The following SLC22A23 variants were observed in gnomAD, a reference collection of about 807,000 sequenced individuals.
SLC22A23 encodes the protein solute carrier family 22 member 23.
Under a neutral mutation model 61.0 loss-of-function variants are expected in SLC22A23, and 26 were observed. That is an observed-to-expected ratio of 0.43 (90% CI 0.31 to 0.59). The LOEUF is 0.59. Ranked by LOEUF, SLC22A23 falls within the 20% of genes least tolerant of loss-of-function variation. The pLI, the probability that SLC22A23 is intolerant of heterozygous loss-of-function variation, is 0.11. For missense variants in SLC22A23, 796 were observed against 934.7 expected (o/e 0.85, Z 1.94); for synonymous variants, 430 against 413.9 (o/e 1.04, Z -0.47).
At chr6:3,321,107 G>A (rs1012602275) in intron 4 of SLC22A23, among the ~76,000 whole-genome samples, 16 of 137,242 alleles carry the variant, frequency 1.2e-4, no homozygotes, top group East Asian at 3.9e-4. Context: ...AAGTGGCAGA[G>A]GTCCAGGCTC....
intron 3 of SLC22A23, among the ~76,000 whole-genome samples, chr6:3,374,289 C>T (rs1460896074): frequency 6.6e-6 from 1 of 152,216 alleles, no homozygotes; most frequent in African/African-American, 2.4e-5. Flanking sequence ...TCTTTGGGTT[C>T]CCTCCCTGGC....
At chr6:3,334,725 C>T (rs767347463) in intron 3 of SLC22A23, among the ~76,000 whole-genome samples, 3 of 152,318 alleles carry the variant, frequency 2.0e-5, no homozygotes, top group Middle Eastern at 3.4e-3. Flanking sequence ...GCACATCGCC[C>T]GGTGCTTGCC....
At chr6:3,349,262 G>A (rs563384688) in intron 3 of SLC22A23, among the ~76,000 whole-genome samples, 12 of 152,316 alleles carry the variant, frequency 7.9e-5, no homozygotes, top group Middle Eastern at 3.4e-3. Flanking sequence ...CTGGGGCTTC[G>A]GACTGGGCAG....
intron 3 of SLC22A23, among the ~76,000 whole-genome samples, chr6:3,405,923 T>C (rs1222883617): frequency 6.6e-6 from 1 of 152,236 alleles, no homozygotes; most frequent in African/African-American, 2.4e-5. Context: ...GTGAAATTCC[T>C]GGTTGCTCCT....
At chr6:3,453,348 CG>C (rs1265129207) in intron 1 of SLC22A23, among the ~76,000 whole-genome samples, 2 of 152,150 alleles carry the variant, frequency 1.3e-5, no homozygotes, top group Non-Finnish European at 2.9e-5. Flanking sequence ...AAAGCAACTA[CG>C]GGATGGACTA....
At chr6:3,331,458 G>A (rs1263185853) in intron 3 of SLC22A23, among the ~76,000 whole-genome samples, 1 of 152,130 alleles carries the variant, frequency 6.6e-6, no homozygotes, top group African/African-American at 2.4e-5. Flanking sequence ...GGAAGAGACT[G>A]GCCAGTGACT....
At chr6:3,281,195 T>A (rs1242781816) in intron 9 of SLC22A23, among the ~76,000 whole-genome samples, 1 of 152,230 alleles carries the variant, frequency 6.6e-6, no homozygotes, top group African/African-American at 2.4e-5. Context: ...CATGTCAAGC[T>A]GGGAGATGGG....
intron 6 of SLC22A23, among the ~76,000 whole-genome samples, chr6:3,287,975 G>A (rs879387107): frequency 4.6e-5 from 7 of 152,136 alleles, no homozygotes; most frequent in Admixed American, 2.0e-4. Flanking sequence ...GTGAGCCACC[G>A]CACCCGGCCT....
intron 8 of SLC22A23, chr6:3,284,249 C>T (rs1759756626): frequency 1.2e-5 from 4 of 345,978 alleles, no homozygotes; most frequent in Non-Finnish European, 1.6e-5. Context: ...GGAGCCATGC[C>T]TGGTGGGAGG....
intron 4 of SLC22A23, chr6:3,323,510 T>A: frequency 2.3e-6 from 1 of 435,294 alleles, no homozygotes; most frequent in Non-Finnish European, 4.3e-6. Flanking sequence ...CTCCCTGCAA[T>A]CCATTCATAA....
intron 3 of SLC22A23, among the ~76,000 whole-genome samples, chr6:3,399,427 C>A (rs1322363699): frequency 2.6e-5 from 4 of 152,184 alleles, no homozygotes; most frequent in Non-Finnish European, 4.4e-5. Context: ...CTCAAGCAGC[C>A]ATTCATGTCC....
chr6:3,448,587 G>A (rs1459174507), intron 1 of SLC22A23, among the ~76,000 whole-genome samples: 2 of 151,984 alleles, frequency 1.3e-5, no homozygotes, highest in Non-Finnish European at 2.9e-5. Context: ...TCCGCCTCCC[G>A]AGTTCACGCC....
At chr6:3,453,140 G>C (rs1772234065) in intron 1 of SLC22A23, among the ~76,000 whole-genome samples, 1 of 152,184 alleles carries the variant, frequency 6.6e-6, no homozygotes, top group Non-Finnish European at 1.5e-5. Context: ...ATGCCAACCA[G>C]AGCGATAAGT....
At chr6:3,341,654 C>G (rs1370580831) in intron 3 of SLC22A23, among the ~76,000 whole-genome samples, 1 of 152,090 alleles carries the variant, frequency 6.6e-6, no homozygotes, top group Non-Finnish European at 1.5e-5. Context: ...TCAGCCAGCA[C>G]TTCTGATTCA....
chr6:3,311,214 G>T (rs984354630), intron 4 of SLC22A23, among the ~76,000 whole-genome samples: 4 of 152,186 alleles, frequency 2.6e-5, no homozygotes, highest in African/African-American at 9.7e-5. Flanking sequence ...AAGAGTGGGG[G>T]ACACAGAGCA....
At position 3,386,233 on chromosome 6, in the gene SLC22A23, G is replaced by A. The variant is rs1435672404; in HGVS notation, c.913+23955C>T. ...ACAGGGAAGCCAGTGTGCCCTGACA[G>A]TGCACGGTTAGGGGTTTAGAAACCC... On this transcript the variant is annotated intron_variant, in intron 3 of 9. Coordinates refer to ENST00000406686, the MANE Select transcript of SLC22A23 (RefSeq NM_015482.2). The surrounding 1 kb of genome is among the most constrained non-coding windows in gnomAD (Gnocchi z 4.4). Among the ~76,000 whole-genome samples the A allele has an allele frequency of 6.6e-6, 1 of 152,230 alleles. No homozygotes were observed. The highest frequency in any genetic ancestry group is 2.4e-5 in the African/African-American group (1 of 41,454).
At chr6:3,273,776 T>C (rs1160878103) in intron 9 of SLC22A23, among the ~76,000 whole-genome samples, 2 of 152,196 alleles carry the variant, frequency 1.3e-5, no homozygotes, top group Admixed American at 1.3e-4. Context: ...CCATAAGTAG[T>C]ATACAAGGAA....
chr6:3,421,501 T>C (rs1169716648), intron 1 of SLC22A23, among the ~76,000 whole-genome samples: 2 of 152,232 alleles, frequency 1.3e-5, no homozygotes, highest in Non-Finnish European at 2.9e-5. Flanking sequence ...TATAATTGTA[T>C]GAAAGCTTCA....
In SLC22A23 at chr6:3,290,172, C is replaced by T. The variant is rs1043325414; in HGVS notation, c.1211-306G>A. ...CAGTCAGAGTGCACACAAACGGTCT[C>T]GACTCAGTTCACTTTTGTCTGAGTA... On this transcript the variant is annotated intron_variant, in intron 5 of 9. Transcript: ENST00000406686. 9.1e-6 allele frequency: 4 copies of T among 437,572 alleles called. No individual in the cohort carries two copies. In the East Asian group the frequency reaches 1.4e-4, roughly 16 times the overall value. 27.1% of individuals were successfully genotyped at this position (437,572 alleles called of 1,614,324 possible). A position where few individuals can be genotyped will look rare whatever the true frequency, so the allele number is the denominator to read the frequency against.
Sources: allele counts gnomAD v4.1 joint callset (sites outside exome capture counted in the v4.1 genomes callset), GRCh38; gene constraint gnomAD v4.1.1; non-coding constraint Gnocchi (gnomAD v3.1); transcripts MANE v1.5; gene names NCBI Gene and HGNC (gene_info 2026-07-23, HGNC 2026-07-21).